Variants in C8orf76 observed in about 807,000 individuals in gnomAD.
C8orf76 encodes the protein chromosome 8 open reading frame 76, also known as uncharacterized protein C8orf76.
A neutral mutation model predicts 38.1 loss-of-function variants in C8orf76; 46 were observed. The ratio of observed to expected loss-of-function variants is 1.21; its 90% CI spans 0.95 to 1.54. The LOEUF (loss-of-function observed/expected upper bound fraction) is 1.54, where lower values mean the gene tolerates loss of function less well. C8orf76 is among the 40% of genes most tolerant of loss of function. The pLI is 0.00. For synonymous variants in C8orf76, 166 were observed against 167.5 expected (o/e 0.99, Z 0.07); for missense variants, 461 against 441.6 (o/e 1.04, Z -0.39).
chr8:123,220,936 C>T (rs1824882249), intron 5 of C8orf76, among the ~76,000 whole-genome samples: 1 of 152,134 alleles, frequency 6.6e-6, no homozygotes, highest in Non-Finnish European at 1.5e-5. Flanking sequence ...TGGGTAATGA[C>T]AATGAACTAA....
At chr8:123,237,739 T>C (rs1457565341) in intron 3 of C8orf76, 59 bp downstream of exon 3, 2 of 1,526,444 alleles carry the variant, frequency 1.3e-6, no homozygotes, top group Non-Finnish European at 1.8e-6. Flanking sequence ...TTTCAAAAAA[T>C]ACACCATTCG....
intron 5 of C8orf76, among the ~76,000 whole-genome samples, chr8:123,225,033 T>G (rs374928720): frequency 6.6e-6 from 1 of 151,864 alleles, no homozygotes; most frequent in Non-Finnish European, 1.5e-5. Flanking sequence ...TGAGATGGAG[T>G]CTCCCTCTGT....
rs868033021 is a variant in C8orf76, at chr8:123,226,164, A to G, written c.948+336T>C. ...CACAAGCTGTTATGATGAATGGAGG[A>G]AAAAAAATAGAACTGCTACACAAAT... On this transcript the variant is annotated intron_variant, in intron 5 of 5. Coordinates refer to ENST00000276704, the MANE Select transcript of C8orf76 (RefSeq NM_032847.3). 84 of 1,082,806 alleles carry G rather than the reference A, an allele frequency of 7.8e-5. No individual in the cohort carries two copies. The Middle Eastern group carries it at 2.5e-3, about 32-fold the overall frequency. 67.1% of individuals were successfully genotyped at this position (1,082,806 alleles called of 1,614,324 possible).
chr8:123,238,073 T>A, intron 2 of C8orf76, 132 bp from the exon 3 acceptor site: 1 of 1,102,368 alleles, frequency 9.1e-7, no homozygotes, highest in Non-Finnish European at 1.2e-6. Context: ...CATGAATATT[T>A]AAATGAATTA....
chr8:123,237,563 T>G (rs1825543454), intron 3 of C8orf76, among the ~76,000 whole-genome samples: 1 of 152,186 alleles, frequency 6.6e-6, no homozygotes, highest in African/African-American at 2.4e-5. Context: ...AAAGGAGATT[T>G]TCAGGCAATA....
intron 5 of C8orf76, chr8:123,226,183 C>T (rs779764858): frequency 8.7e-7 from 1 of 1,149,156 alleles, no homozygotes; most frequent in Non-Finnish European, 1.1e-6. Flanking sequence ...AGAACTGCTA[C>T]ACAAATGTAA....
chr8:123,226,214 T>C lies in C8orf76; in HGVS notation c.948+286A>G, dbSNP rs367808105. The C allele has an allele frequency of 4.8e-6, 6 of 1,255,758 alleles. No individual in the cohort carries two copies. The African/African-American group carries it at 9.4e-5, about 20-fold the overall frequency. 77.8% of individuals were successfully genotyped at this position (1,255,758 alleles called of 1,614,324 possible). On this transcript the variant is annotated intron_variant, in intron 5 of 5. Coordinates refer to ENST00000276704, the MANE Select transcript of C8orf76 (RefSeq NM_032847.3). ...TGTAAGCATTCATTCATTCATTTAT[T>C]CAGCACTGAAACAAACAATTATTGG...
intron 3 of C8orf76, among the ~76,000 whole-genome samples, chr8:123,235,520 C>T (rs1168524483): frequency 1.3e-5 from 2 of 152,320 alleles, no homozygotes; most frequent in Admixed American, 1.3e-4. Flanking sequence ...GCCGTGCAGA[C>T]ACGCAAGGTC....
At chr8:123,223,938 C>T (rs1270026639) in intron 5 of C8orf76, among the ~76,000 whole-genome samples, 1 of 151,930 alleles carries the variant, frequency 6.6e-6, no homozygotes, top group African/African-American at 2.4e-5. Flanking sequence ...ATTAGAGGTT[C>T]TAGTGGGTAG....
chr8:123,237,639 TTCA>T (rs1337622984), intron 3 of C8orf76, among the ~76,000 whole-genome samples, 156 bp downstream of exon 3: 12 of 152,218 alleles, frequency 7.9e-5, no homozygotes, highest in African/African-American at 2.9e-4. Flanking sequence ...TTCCAAGTTG[TTCA>T]TCATAATAAA....
intron 4 of C8orf76, among the ~76,000 whole-genome samples, chr8:123,230,549 G>C (rs1456514955): frequency 6.6e-6 from 1 of 152,064 alleles, no homozygotes; most frequent in Non-Finnish European, 1.5e-5. Flanking sequence ...GCTGTGGTGT[G>C]ATCTCAGCTC....
intron 5 of C8orf76, among the ~76,000 whole-genome samples, chr8:123,224,245 G>GA (rs1312797788): frequency 1.3e-5 from 2 of 151,516 alleles, no homozygotes; most frequent in African/African-American, 2.4e-5. Context: ...TTACAAACAG[G>GA]AAAAAAAAGC....
intron 5 of C8orf76, among the ~76,000 whole-genome samples, chr8:123,222,580 G>A (rs1824918731): frequency 6.6e-6 from 1 of 152,012 alleles, no homozygotes; most frequent in Admixed American, 6.6e-5. Context: ...AGTAACTATA[G>A]AAAGATACTT....
At chr8:123,226,958 GAT>G (rs1825065375) in intron 4 of C8orf76, among the ~76,000 whole-genome samples, 1 of 152,208 alleles carries the variant, frequency 6.6e-6, no homozygotes, top group South Asian at 2.1e-4. Flanking sequence ...GGATTGAAAG[GAT>G]AAGTAATTTG....
chr8:123,228,026 C>G (rs917947801), intron 4 of C8orf76, among the ~76,000 whole-genome samples: 2 of 152,090 alleles, frequency 1.3e-5, no homozygotes, highest in African/African-American at 4.8e-5. Flanking sequence ...GCCTTCCACC[C>G]CAAATCGGCT....
chr8:123,239,163 G>A lies in C8orf76; in HGVS notation c.118-19C>T. ...AAAACCACTTGAAATCATGAAAATAGCCTATTACAGAGTGAGCTATGCTTT... is the reference window on the plus strand; with the variant it reads ...AAAACCACTTGAAATCATGAAAATAACCTATTACAGAGTGAGCTATGCTTT... On this transcript the variant is annotated intron_variant, in intron 1 of 5. Coordinates refer to ENST00000276704, the MANE Select transcript of C8orf76 (RefSeq NM_032847.3). 6.2e-7 allele frequency: 1 copy of A among 1,611,468 alleles called. No individual in the cohort carries two copies. Among genetic ancestry groups the A allele is most frequent in the East Asian group, 2.2e-5 (1 of 44,812 alleles).
intron 1 of C8orf76, 47 bp downstream of exon 1, chr8:123,241,154 CCGAGGCCGGGGCCGGGGCCCCGCGGAGGG>C: frequency 7.0e-7 from 1 of 1,424,964 alleles, no homozygotes; most frequent in Non-Finnish European, 9.2e-7. Context: ...GACGGAGGGG[CCGAGGCCGGGGCCGGGGCCCCGCGGAGGG>C]CGAGGCCTGG....
chr8:123,234,407 G>T (rs1825385455), intron 3 of C8orf76, among the ~76,000 whole-genome samples: 1 of 152,102 alleles, frequency 6.6e-6, no homozygotes, highest in African/African-American at 2.4e-5. Flanking sequence ...AGCCGAGGTG[G>T]GCAGATCACT....
chr8:123,231,681 T>A lies in C8orf76; in HGVS notation c.434A>T (p.Asn145Ile), dbSNP rs199631843. 2.1e-5 allele frequency: 34 copies of A among 1,613,876 alleles called. No individual in the cohort carries two copies. The highest frequency in any genetic ancestry group is 2.9e-5 in the Non-Finnish European group (34 of 1,180,040). ...LQLAICSSLQ[N>I]LEKTIFCLQK... Reference sequence around the variant, plus strand: ...CAGGCAGAAAATTGTTTTCTCCAAGTTCTGCAAACTTGAACAAATAGCAAG... The same window carrying A: ...CAGGCAGAAAATTGTTTTCTCCAAGATCTGCAAACTTGAACAAATAGCAAG... The change falls in exon 4 of 6, where the codon AAC (asparagine) becomes ATC (isoleucine). Residue 145 changes from asparagine to isoleucine, a missense_variant. Coordinates refer to ENST00000276704, the MANE Select transcript of C8orf76 (RefSeq NM_032847.3).
Sources: allele counts gnomAD v4.1 joint callset (sites outside exome capture counted in the v4.1 genomes callset), GRCh38; gene constraint gnomAD v4.1.1; transcripts MANE v1.5; gene names NCBI Gene and HGNC (gene_info 2026-07-23, HGNC 2026-07-21).